Variants in HMGB1 observed in about 807,000 individuals in gnomAD.
HMGB1 encodes the protein high mobility group protein B1.
For missense variants in HMGB1, 79 were observed against 253.5 expected, an observed-to-expected ratio of 0.31 and a Z score of 4.67; for synonymous variants, 81 against 84.0, an observed-to-expected ratio of 0.96 and a Z score of 0.19.
chr13:30,545,132 T>G (rs1869090114), intron 1 of HMGB1, among the ~76,000 whole-genome samples: 1 of 152,120 alleles, frequency 6.6e-6, no homozygotes, highest in Non-Finnish European at 1.5e-5. Context: ...TTTCCCCACA[T>G]GCATGGTGAT....
intron 1 of HMGB1, among the ~76,000 whole-genome samples, chr13:30,583,528 CAAAAAA>C (rs35519297): frequency 3.0e-5 from 2 of 66,962 alleles, no homozygotes; most frequent in African/African-American, 5.7e-5. Flanking sequence ...ACCTGGTCTC[CAAAAAA>C]AAAAAAAAAA....
At chr13:30,616,305 T>G (rs1474261930) in intron 1 of HMGB1, among the ~76,000 whole-genome samples, 2 of 152,300 alleles carry the variant, frequency 1.3e-5, no homozygotes, top group Non-Finnish European at 2.9e-5. Flanking sequence ...AATACCAAAT[T>G]TACACTGAAA....
At position 30,474,951 on chromosome 13, in the gene HMGB1, C is replaced by CTTTT. The variant is rs1887041427; in HGVS notation, c.-14-11261_-14-11258dup. Among the ~76,000 whole-genome samples, 54 of 28,056 alleles carry CTTTT rather than the reference C, an allele frequency of 1.9e-3. 3 individuals carry two copies. Among genetic ancestry groups the CTTTT allele is most frequent in the East Asian group, 5.1e-3 (3 of 584 alleles). The allele number at this position is 28,056 out of a possible 152,430, so 18.4% of individuals were successfully genotyped here. On this transcript the variant is annotated intron_variant, in intron 1 of 4. Coordinates refer to the HMGB1 transcript ENST00000405805. ...TCTCTTTCTCTTTTTTTTTTCTTTT[C>CTTTT]TTTTTTTGTTTTTTTTTTTTTTTTT... is the stretch of plus-strand genomic sequence containing the variant.
intron 1 of HMGB1, among the ~76,000 whole-genome samples, chr13:30,493,803 T>C (rs891483390): frequency 4.6e-5 from 7 of 151,838 alleles, no homozygotes; most frequent in African/African-American, 1.5e-4. Context: ...ATCTCTTACA[T>C]AGAACAAAAC....
chr13:30,570,597 T>C (rs1015308790), intron 1 of HMGB1, among the ~76,000 whole-genome samples: 4 of 152,240 alleles, frequency 2.6e-5, no homozygotes, highest in African/African-American at 4.8e-5. Flanking sequence ...TCTTTCTACA[T>C]GGTACACTTC....
chr13:30,568,358 T>A (rs752348898), intron 1 of HMGB1, among the ~76,000 whole-genome samples: 2 of 151,976 alleles, frequency 1.3e-5, no homozygotes, highest in African/African-American at 2.4e-5. Flanking sequence ...CAATAAAAAA[T>A]TAGCTAGGTG....
intron 1 of HMGB1, among the ~76,000 whole-genome samples, chr13:30,579,089 T>C (rs761688808): frequency 6.6e-6 from 1 of 152,252 alleles, no homozygotes; most frequent in Non-Finnish European, 1.5e-5. Context: ...CATCTTTGTA[T>C]GTCCTGGGAA....
chr13:30,587,983 A>G (rs1415960687), intron 1 of HMGB1, among the ~76,000 whole-genome samples: 1 of 152,214 alleles, frequency 6.6e-6, no homozygotes, highest in Non-Finnish European at 1.5e-5. Flanking sequence ...AAATGAATCA[A>G]TCAGCAGTGA....
chr13:30,529,828 A>G (rs148116564), intron 1 of HMGB1, among the ~76,000 whole-genome samples: 34 of 152,296 alleles, frequency 2.2e-4, no homozygotes, highest in Non-Finnish European at 4.4e-4. Context: ...TCCCACACAC[A>G]TCTTCTCTCT....
At chr13:30,570,363 A>G (rs1302437628) in intron 1 of HMGB1, among the ~76,000 whole-genome samples, 1 of 152,232 alleles carries the variant, frequency 6.6e-6, no homozygotes, top group East Asian at 1.9e-4. Flanking sequence ...TGACTTTCCA[A>G]ATGCTAGTGA....
rs565522710 is a variant in HMGB1, at chr13:30,500,438, T to C, written c.-14-36744A>G. On this transcript the variant is annotated intron_variant, in intron 1 of 4. Transcript: ENST00000405805. ...AGGCTGGAGTGCAGTGGTGCAATCA[T>C]GGCTCACCTCAGCCCTGAATTCCTG... is the stretch of plus-strand genomic sequence containing the variant. Among the ~76,000 whole-genome samples, 877 of 151,892 alleles carry C rather than the reference T, an allele frequency of 5.8e-3. 6 individuals carry two copies. The highest frequency in any genetic ancestry group is 0.02 in the African/African-American group (832 of 41,376).
intron 1 of HMGB1, among the ~76,000 whole-genome samples, chr13:30,588,374 G>A (rs1401753500): frequency 6.6e-6 from 1 of 152,294 alleles, no homozygotes; most frequent in African/African-American, 2.4e-5. Context: ...CAAAGGATAG[G>A]CAGGTGGATC....
At position 30,460,356 on chromosome 13, in the gene HMGB1, A is replaced by T. The variant is rs2137387999; in HGVS notation, c.*1001T>A. 1 of 151,520 alleles carries T rather than the reference A, an allele frequency of 6.6e-6. No individual in the cohort carries two copies. The highest frequency in any genetic ancestry group is 2.4e-5 in the African/African-American group (1 of 41,224). The allele number at this position is 151,520 out of a possible 1,614,324, so 9.4% of individuals were successfully genotyped here. A position where few individuals can be genotyped will look rare whatever the true frequency, so the allele number is the denominator to read the frequency against. On this transcript the variant is annotated 3_prime_UTR_variant, in exon 5 of 5. Transcript: ENST00000341423. Reference sequence around the variant, plus strand: ...CATATTTAGATAAATGGGAAAAGACATCTATAGCCAGCATTTTCATAGTCT... The same window carrying T: ...CATATTTAGATAAATGGGAAAAGACTTCTATAGCCAGCATTTTCATAGTCT...
At chr13:30,572,577 T>G (rs1421418723) in intron 1 of HMGB1, among the ~76,000 whole-genome samples, 1 of 152,198 alleles carries the variant, frequency 6.6e-6, no homozygotes, top group South Asian at 2.1e-4. Flanking sequence ...CTTAAGACAT[T>G]TTTCTAGTAT....
chr13:30,473,398 C>T (rs1378446444), intron 1 of HMGB1, among the ~76,000 whole-genome samples: 1 of 152,164 alleles, frequency 6.6e-6, no homozygotes, highest in Non-Finnish European at 1.5e-5. Flanking sequence ...AAGAATGGTA[C>T]ACATGACGAG....
chr13:30,486,339 TG>T (rs1887362541), intron 1 of HMGB1, among the ~76,000 whole-genome samples: 1 of 152,194 alleles, frequency 6.6e-6, no homozygotes. Context: ...CCTTAAAGGT[TG>T]GATGTTCAAG....
intron 1 of HMGB1, among the ~76,000 whole-genome samples, chr13:30,569,114 G>A (rs1201442473): frequency 6.6e-6 from 1 of 151,934 alleles, no homozygotes; most frequent in Non-Finnish European, 1.5e-5. Flanking sequence ...AGTGGAGGTT[G>A]TAGTGAATGC....
chr13:30,578,817 C>A (rs1447425156), intron 1 of HMGB1, among the ~76,000 whole-genome samples: 2 of 152,204 alleles, frequency 1.3e-5, no homozygotes, highest in East Asian at 3.8e-4. Context: ...GCTTTCAAAC[C>A]TCCCTGACTT....
At chr13:30,572,142 T>A (rs1870463741) in intron 1 of HMGB1, among the ~76,000 whole-genome samples, 2 of 152,228 alleles carry the variant, frequency 1.3e-5, no homozygotes, top group Non-Finnish European at 2.9e-5. Context: ...ACAGCAAGTA[T>A]AAAACAATGC....
Sources: gnomAD v4.1 joint callset for allele counts (sites outside exome capture counted in the v4.1 genomes callset) on GRCh38, gnomAD v4.1.1 for gene constraint, MANE v1.5 for transcripts, NCBI Gene and HGNC (gene_info 2026-07-23, HGNC 2026-07-21) for gene names.